Variants in TRERF1 observed in about 807,000 individuals in gnomAD.
TRERF1 encodes the protein transcriptional-regulating factor 1.
In TRERF1, 27 loss-of-function variants were observed where a neutral mutation model predicts 122.9. The observed-to-expected ratio is 0.22, with a 90% CI of 0.16 to 0.30. The LOEUF (loss-of-function observed/expected upper bound fraction) is 0.30, where lower values mean the gene tolerates loss of function less well. Among genes scored for constraint, TRERF1 ranks in the 10% least tolerant of loss-of-function variants. The pLI, the probability that TRERF1 is intolerant of heterozygous loss-of-function variation, is 1.00. For synonymous variants in TRERF1, 636 were observed against 641.7 expected (o/e 0.99, Z 0.13); for missense variants, 1,248 against 1,560.3 (o/e 0.80, Z 3.37).
intron 3 of TRERF1, among the ~76,000 whole-genome samples, chr6:42,349,467 T>C (rs1023502514): frequency 1.1e-4 from 16 of 152,106 alleles, no homozygotes; most frequent in Admixed American, 9.8e-4. Context: ...AATGAAAATA[T>C]GGTTAAAGTA....
In TRERF1 at chr6:42,268,977, G is replaced by T; in HGVS notation, c.614C>A (p.Pro205His). 1 of 1,612,346 alleles carries T rather than the reference G, an allele frequency of 6.2e-7. No individual in the cohort carries two copies. Among genetic ancestry groups the T allele is most frequent in the Non-Finnish European group, 8.5e-7 (1 of 1,178,674 alleles). Residue 205 changes from proline to histidine, a missense_variant, in exon 5 of 18, where the codon CCC (proline) becomes CAC (histidine). Pro to His is a moderately conservative substitution (Grantham distance 77). Around this residue, in one of 5 missense-constraint regions of TRERF1, gnomAD observed 946 missense variants for 1,073.0 expected, o/e 0.88. Coordinates refer to ENST00000372922, the Ensembl canonical transcript of TRERF1. This position sits in a 1 kb window ranked among gnomAD's most constrained non-coding sequence, Gnocchi z 4.4. ...AGTGAAACCAGGGTGAGGCTGCTGG[G>T]GCACCTGCTGGTAGCGGGAAGGGAT... is the stretch of plus-strand genomic sequence containing the variant.
chr6:42,345,956 G>C (rs1581706809), intron 3 of TRERF1, among the ~76,000 whole-genome samples: 1 of 152,238 alleles, frequency 6.6e-6, no homozygotes, highest in South Asian at 2.1e-4. Context: ...AGCATGGGCA[G>C]GTGCTATGAG....
Position 42,286,093 on chromosome 6 carries a change from G to T in TRERF1, c.-259+14545C>A, listed in dbSNP as rs1413363047. On this transcript the variant is annotated intron_variant, in intron 4 of 17. Coordinates refer to ENST00000372922, the Ensembl canonical transcript of TRERF1. ...TGGGAAAACTGGCTAGCCATATGTA[G>T]AAAGCTGAAACTGGATCCCTTCCTT... is the stretch of plus-strand genomic sequence containing the variant. Among the ~76,000 whole-genome samples the T allele has an allele frequency of 8.6e-5, 13 of 150,686 alleles. No homozygotes were observed. In the East Asian group the frequency reaches 2.5e-3, roughly 29 times the overall value.
At chr6:42,236,690 T>A (rs1423302483) in intron 15 of TRERF1, among the ~76,000 whole-genome samples, 2 of 152,144 alleles carry the variant, frequency 1.3e-5, no homozygotes, top group East Asian at 3.9e-4. Context: ...AGAGGAGCAA[T>A]TTCTACATGC....
intron 13 of TRERF1, among the ~76,000 whole-genome samples, chr6:42,248,175 G>GCTTAA (rs1230714033): frequency 6.6e-6 from 1 of 152,022 alleles, no homozygotes; most frequent in African/African-American, 2.4e-5. Flanking sequence ...AGAATATATG[G>GCTTAA]CTCAGTGACA....
chr6:42,321,818 TA>T (rs71879503), intron 3 of TRERF1, among the ~76,000 whole-genome samples: 6,071 of 151,750 alleles, frequency 0.04, 285 homozygotes, highest in East Asian at 0.23. Flanking sequence ...GCTGTAAGCC[TA>T]AAAAAAAATC....
Position 42,269,537 on chromosome 6 carries a change from G to A in TRERF1, c.54C>T (p.Asn18=), listed in dbSNP as rs1257437996. ...CAAGTGGTGGCTGTTGGTAGAAAAG[G>A]TTCTCACTACCATGGGCCACATGGT... Residue 18 remains asparagine (N), a synonymous_variant, in exon 5 of 18, where the codon AAC becomes AAT. Transcript: ENST00000372922. The surrounding 1 kb of genome is among the most constrained non-coding windows in gnomAD (Gnocchi z 4.9). 2 of 1,614,078 alleles carry A rather than the reference G, an allele frequency of 1.2e-6. No homozygotes were observed. The highest frequency in any genetic ancestry group is 1.7e-5 in the Admixed American group (1 of 59,996).
At chr6:42,257,099 G>A (rs1165139442) in exon 11 of TRERF1, 1 of 1,614,192 alleles carries the variant, frequency 6.2e-7, no homozygotes, top group African/African-American at 1.3e-5. Flanking sequence ...CAATGTTGAT[G>A]CGTCTTTAAA....
At chr6:42,442,067 C>A (rs1786618679) in intron 2 of TRERF1, among the ~76,000 whole-genome samples, 1 of 152,148 alleles carries the variant, frequency 6.6e-6, no homozygotes, top group African/African-American at 2.4e-5. Flanking sequence ...CTGAAAACCC[C>A]TCAGCTCGCA....
intron 6 of TRERF1, 141 bp downstream of exon 6, chr6:42,265,610 G>A: frequency 1.1e-6 from 1 of 894,562 alleles, no homozygotes; most frequent in South Asian, 1.6e-5. Context: ...CCCATAGTAT[G>A]CACTCAAACA....
intron 3 of TRERF1, among the ~76,000 whole-genome samples, chr6:42,339,134 G>C (rs260272): frequency 2.0e-5 from 3 of 152,172 alleles, no homozygotes; most frequent in African/African-American, 7.2e-5. Flanking sequence ...ATCTATCCTT[G>C]AGGTCACTGC....
chr6:42,438,946 AAC>A (rs1299074533), intron 2 of TRERF1, among the ~76,000 whole-genome samples: 3 of 152,246 alleles, frequency 2.0e-5, no homozygotes, highest in East Asian at 3.9e-4. Flanking sequence ...GCAGCCCACC[AAC>A]AGAGTGGAGA....
intron 3 of TRERF1, among the ~76,000 whole-genome samples, chr6:42,359,990 A>G (rs1771410380): frequency 1.3e-5 from 2 of 152,336 alleles, no homozygotes; most frequent in Non-Finnish European, 2.9e-5. Context: ...ATAAACACTA[A>G]ATATTTTAAT....
intron 4 of TRERF1, among the ~76,000 whole-genome samples, chr6:42,296,097 C>T (rs550721301): frequency 2.6e-5 from 4 of 152,088 alleles, no homozygotes; most frequent in African/African-American, 4.8e-5. Context: ...AGTGAGTCCA[C>T]GCAGCCCCAG....
chr6:42,263,703 G>A lies in TRERF1; in HGVS notation c.1636-135C>T, dbSNP rs1778665192. 2 of 1,228,178 alleles carry A rather than the reference G, an allele frequency of 1.6e-6. No homozygotes were observed. Among genetic ancestry groups the A allele is most frequent in the South Asian group, 6.3e-5 (2 of 31,706 alleles). The allele number at this position is 1,228,178 out of a possible 1,614,324, so 76.1% of individuals were successfully genotyped here. ...ACCGCTGCAGGGCGATTTCCTTCCT[G>A]CAATCCTGAGTCCCTTGGCTGGAGT... is the stretch of plus-strand genomic sequence containing the variant. On this transcript the variant is annotated intron_variant, in intron 7 of 17. Coordinates refer to ENST00000372922, the Ensembl canonical transcript of TRERF1. This position sits in a 1 kb window ranked among gnomAD's most constrained non-coding sequence, Gnocchi z 5.6.
At chr6:42,234,767 A>G (rs1344414243) in intron 16 of TRERF1, among the ~76,000 whole-genome samples, 1 of 152,232 alleles carries the variant, frequency 6.6e-6, no homozygotes, top group African/African-American at 2.4e-5. Context: ...AAAAGTCATT[A>G]AAAAATATCT....
Position 42,269,564 on chromosome 6 carries a change from G to A in TRERF1, c.27C>T (p.Thr9=). Residue 9 remains threonine, a synonymous_variant, in exon 5 of 18, where the codon ACC becomes ACT. Transcript: ENST00000372922. The surrounding 1 kb of genome is among the most constrained non-coding windows in gnomAD (Gnocchi z 4.9). ...TCTCACTACCATGGGCCACATGGTTGGTCTTGTACAGTTGCTGGTCACCCA... is the reference window on the plus strand; with the variant it reads ...TCTCACTACCATGGGCCACATGGTTAGTCTTGTACAGTTGCTGGTCACCCA... The A allele has an allele frequency of 6.2e-7, 1 of 1,614,080 alleles. No individual in the cohort carries two copies. The highest frequency in any genetic ancestry group is 1.3e-5 in the African/African-American group (1 of 75,032).
chr6:42,347,091 G>A (rs1308840601), intron 3 of TRERF1, among the ~76,000 whole-genome samples: 2 of 152,206 alleles, frequency 1.3e-5, no homozygotes, highest in African/African-American at 2.4e-5. Flanking sequence ...AGTTGGGAGA[G>A]GACCCCATGT....
At chr6:42,235,475 T>C (rs1240145864) in intron 16 of TRERF1, among the ~76,000 whole-genome samples, 1 of 152,258 alleles carries the variant, frequency 6.6e-6, no homozygotes, top group African/African-American at 2.4e-5. Context: ...CCAGCACAGA[T>C]ACCGTAAGGT....
Sources: gnomAD v4.1 joint callset for allele counts (sites outside exome capture counted in the v4.1 genomes callset) on GRCh38, gnomAD v4.1.1 for gene constraint, gnomAD v4.1.1 regional missense constraint, Gnocchi (gnomAD v3.1) non-coding constraint, MANE v1.5 for transcripts, NCBI Gene and HGNC (gene_info 2026-07-23, HGNC 2026-07-21) for gene names.